The following MAPK10 variants were observed in gnomAD, a reference collection of about 807,000 sequenced individuals.
MAPK10 encodes the protein JNK3 alpha protein kinase.
MAPK10 carries 25 observed loss-of-function variants against 59.3 expected under a neutral mutation model. The observed-to-expected ratio is 0.42, with a 90% CI of 0.31 to 0.59. The LOEUF is 0.59. MAPK10 is among the 20% of genes least tolerant of loss of function. MAPK10 has a pLI of 0.15. For missense variants in MAPK10, 351 were observed against 568.9 expected (o/e 0.62, Z 3.90); for synonymous variants, 190 against 200.5 (o/e 0.95, Z 0.44).
At chr4:86,427,520 A>C (rs1480455750) in intron 1 of MAPK10, among the ~76,000 whole-genome samples, 1 of 152,124 alleles carries the variant, frequency 6.6e-6, no homozygotes. Flanking sequence ...TTTATCTCTG[A>C]ATCCATAGGA....
intron 1 of MAPK10, chr4:86,358,499 T>C: frequency 2.7e-6 from 1 of 366,146 alleles, no homozygotes; most frequent in Non-Finnish European, 3.8e-6. Flanking sequence ...ACAGACACTG[T>C]CAGGCTCTGC....
chr4:86,331,247 T>C lies in MAPK10; in HGVS notation c.-7+23283A>G, dbSNP rs75731818. Among the ~76,000 whole-genome samples the C allele has an allele frequency of 6.6e-5, 10 of 152,162 alleles. No individual in the cohort carries two copies. The East Asian group carries it at 1.9e-3, about 29-fold the overall frequency. On this transcript the variant is annotated intron_variant, in intron 2 of 13. Coordinates refer to ENST00000641462, the MANE Select transcript of MAPK10 (RefSeq NM_138982.4). ...CCTTTCTCAGACTCTCACCAAACCA[T>C]AAGAGTCAGAAAAATGGTCGTTTTC...
At chr4:86,467,992 A>G (rs1220348986) in intron 1 of MAPK10, among the ~76,000 whole-genome samples, 1 of 152,158 alleles carries the variant, frequency 6.6e-6, no homozygotes, top group Non-Finnish European at 1.5e-5. Flanking sequence ...TGCCTCATAA[A>G]TGATTAGCTG....
chr4:86,391,867 T>C (rs1742235643), intron 1 of MAPK10, among the ~76,000 whole-genome samples: 1 of 152,180 alleles, frequency 6.6e-6, no homozygotes, highest in African/African-American at 2.4e-5. Flanking sequence ...CTCAGGCCAA[T>C]TGCTTCAAGT....
In MAPK10 at chr4:86,170,504, A is replaced by G. The variant is rs570318221; in HGVS notation, c.67-11037T>C. 1.8e-4 allele frequency among the ~76,000 whole-genome samples: 28 copies of G among 152,306 alleles called. 1 individual carries two copies. The East Asian group carries it at 5.4e-3, about 29-fold the overall frequency. On this transcript the variant is annotated intron_variant, in intron 3 of 13. Coordinates refer to ENST00000641462, the MANE Select transcript of MAPK10 (RefSeq NM_138982.4). Reference sequence around the variant, plus strand: ...GCCATTACATAATGGTAAAGGGACCAATTCAACAAGAAGAGCTAACTATCC... The same window carrying G: ...GCCATTACATAATGGTAAAGGGACCGATTCAACAAGAAGAGCTAACTATCC...
At chr4:86,510,969 T>C (rs1756188422) in intron 1 of MAPK10, among the ~76,000 whole-genome samples, 1 of 152,166 alleles carries the variant, frequency 6.6e-6, no homozygotes, top group South Asian at 2.1e-4. Context: ...TATTCAGTAG[T>C]ACAGAAGGGA....
At chr4:86,528,668 A>T (rs931470886) in intron 1 of MAPK10, among the ~76,000 whole-genome samples, 1 of 152,052 alleles carries the variant, frequency 6.6e-6, no homozygotes, top group African/African-American at 2.4e-5. Context: ...TCAGCCTCCC[A>T]AGTAGCTGGG....
chr4:86,184,834 C>A (rs1207410904), intron 3 of MAPK10, among the ~76,000 whole-genome samples: 2 of 152,152 alleles, frequency 1.3e-5, no homozygotes, highest in Non-Finnish European at 2.9e-5. Context: ...CCAGTTAAAC[C>A]TCTTTTCTCT....
chr4:86,329,748 C>A (rs1307104720), intron 2 of MAPK10, among the ~76,000 whole-genome samples: 1 of 152,094 alleles, frequency 6.6e-6, no homozygotes, highest in Admixed American at 6.6e-5. Context: ...TAGTCTCCAC[C>A]GATAACCTCA....
At chr4:86,262,546 C>T (rs1349237548) in intron 2 of MAPK10, among the ~76,000 whole-genome samples, 8 of 152,102 alleles carry the variant, frequency 5.3e-5, no homozygotes, top group East Asian at 1.9e-4. Context: ...CTTTTTAACA[C>T]GCCTCATGAC....
At chr4:86,507,655 T>TATATATACATAC (rs1554274998) in intron 1 of MAPK10, among the ~76,000 whole-genome samples, 3 of 71,266 alleles carry the variant, frequency 4.2e-5, no homozygotes, top group Non-Finnish European at 5.8e-5. Flanking sequence ...TATATATATA[T>TATATATACATAC]ATATATATAT....
chr4:86,018,055 G>A (rs1744289672), intron 13 of MAPK10, among the ~76,000 whole-genome samples: 1 of 152,192 alleles, frequency 6.6e-6, no homozygotes, highest in African/African-American at 2.4e-5. Flanking sequence ...CTCAGAGACT[G>A]TATTCAGCCA....
chr4:86,355,894 C>T (rs565492278), intron 1 of MAPK10, among the ~76,000 whole-genome samples: 1 of 152,302 alleles, frequency 6.6e-6, no homozygotes, highest in African/African-American at 2.4e-5. Context: ...AGGACAATTG[C>T]TTTAAGCAAT....
intron 1 of MAPK10, among the ~76,000 whole-genome samples, chr4:86,505,677 G>A (rs1186474656): frequency 3.3e-5 from 5 of 152,000 alleles, no homozygotes; most frequent in Admixed American, 1.3e-4. Context: ...TTCTTTTATA[G>A]GTGTCTTTCC....
intron 1 of MAPK10, among the ~76,000 whole-genome samples, chr4:86,563,968 AT>A (rs1411601748): frequency 6.6e-6 from 1 of 152,084 alleles, no homozygotes; most frequent in Non-Finnish European, 1.5e-5. Context: ...AGTAGCTAGG[AT>A]TACAGGTGCA....
chr4:86,213,695 A>C (rs2086515976), intron 2 of MAPK10, among the ~76,000 whole-genome samples: 1 of 152,116 alleles, frequency 6.6e-6, no homozygotes, highest in South Asian at 2.1e-4. Context: ...TAGACCTGTT[A>C]CTAGCAAGGA....
intron 1 of MAPK10, among the ~76,000 whole-genome samples, chr4:86,549,851 TAAACAAAC>T (rs568503218): frequency 3.4e-4 from 52 of 151,466 alleles, no homozygotes; most frequent in Non-Finnish European, 7.2e-4. Flanking sequence ...TTTCTAAGAA[TAAACAAAC>T]AAACAAACAA....
At chr4:86,103,391 G>C (rs2055916986) in intron 5 of MAPK10, 147 bp from the exon 6 acceptor site, 5 of 579,128 alleles carry the variant, frequency 8.6e-6, no homozygotes, top group Non-Finnish European at 1.2e-5. Flanking sequence ...AGCTGTCTCA[G>C]AGGACACAGA....
At chr4:86,233,503 G>C (rs2091873147) in intron 2 of MAPK10, among the ~76,000 whole-genome samples, 1 of 152,110 alleles carries the variant, frequency 6.6e-6, no homozygotes, top group South Asian at 2.1e-4. Context: ...CCCCCAAGGA[G>C]CTTCCTTTGA....
Sources: allele counts gnomAD v4.1 joint callset (sites outside exome capture counted in the v4.1 genomes callset), GRCh38; gene constraint gnomAD v4.1.1; transcripts MANE v1.5; gene names NCBI Gene and HGNC (gene_info 2026-07-23, HGNC 2026-07-21).